Variants in ADGRF3 observed in about 807,000 individuals in gnomAD.
ADGRF3 encodes G protein-coupled receptor 113.
Under a neutral mutation model 93.2 loss-of-function variants are expected in ADGRF3, and 85 were observed. The observed-to-expected ratio is 0.91, with a 90% confidence interval of 0.77 to 1.09. The LOEUF (loss-of-function observed/expected upper bound fraction) is 1.09. Among genes scored for constraint, ADGRF3 ranks in the 50% least tolerant of loss-of-function variants. ADGRF3 has a pLI of 0.00. For missense variants in ADGRF3, 1,125 were observed against 1,246.2 expected, an observed-to-expected ratio of 0.90 and a Z score of 1.46; for synonymous variants, 534 against 532.5, an observed-to-expected ratio of 1.00 and a Z score of -0.04.
At chr2:26,332,735 G>A (rs894910218) in intron 1 of ADGRF3, among the ~76,000 whole-genome samples, 1 of 151,954 alleles carries the variant, frequency 6.6e-6, no homozygotes, top group African/African-American at 2.4e-5. Context: ...GTGACAGTCT[G>A]TCTCAAAAAA....
intron 6 of ADGRF3, 76 bp downstream of exon 6, chr2:26,314,338 C>T: frequency 1.4e-6 from 2 of 1,394,778 alleles, no homozygotes; most frequent in African/African-American, 1.4e-5. Flanking sequence ...TTCTCATGAG[C>T]TGAAGACCCA....
chr2:26,325,114 G>A (rs1675370688), intron 1 of ADGRF3, among the ~76,000 whole-genome samples: 1 of 152,218 alleles, frequency 6.6e-6, no homozygotes, highest in Non-Finnish European at 1.5e-5. Flanking sequence ...CTACCAAGCT[G>A]TGGCCAGTGG....
Position 26,310,123 on chromosome 2 carries a change from G to A in ADGRF3, c.2875-18C>T, listed in dbSNP as rs774856099. On this transcript the variant is annotated intron_variant, in intron 11 of 13. Transcript: ENST00000651242. Reference sequence around the variant, plus strand: ...TCTTGTATCTGCGGGAGAGGTAAATGCTCTGCTTATGCCAGCCACGGCCCC... The same window carrying A: ...TCTTGTATCTGCGGGAGAGGTAAATACTCTGCTTATGCCAGCCACGGCCCC... The A allele has an allele frequency of 1.9e-6, 3 of 1,613,928 alleles. No individual in the cohort carries two copies. The highest frequency in any genetic ancestry group is 4.5e-5 in the East Asian group (2 of 44,892).
chr2:26,312,808 G>T, intron 9 of ADGRF3, 135 bp downstream of exon 9: 1 of 750,272 alleles, frequency 1.3e-6, no homozygotes, highest in Non-Finnish European at 2.1e-6. Context: ...TGGATCAGGA[G>T]CAGGCCCCTG....
rs769488718 is a variant in ADGRF3, at chr2:26,319,062, C to G, written c.115-1500G>C. The stretch of plus-strand genomic sequence containing the variant: ...CCGAACAGACCATGGCTCAGTGAAG[C>G]AGTCCCTACAAGCCCACGATGCAAA... On this transcript the variant is annotated intron_variant, in intron 1 of 13. Coordinates refer to ENST00000651242, the MANE Select transcript of ADGRF3 (RefSeq NM_001321971.2). The G allele has an allele frequency of 8.3e-5, 129 of 1,545,896 alleles. No homozygotes were observed. The Middle Eastern group carries it at 2.0e-3, about 25-fold the overall frequency.
In ADGRF3 at chr2:26,346,374, C is replaced by T; in HGVS notation, c.-140G>A. 3 of 1,425,148 alleles carry T rather than the reference C, an allele frequency of 2.1e-6. No homozygotes were observed. The highest frequency in any genetic ancestry group is 2.8e-6 in the Non-Finnish European group (3 of 1,085,994). The allele number at this position is 1,425,148 out of a possible 1,614,324, so 88.3% of individuals were successfully genotyped here. On this transcript the variant is annotated 5_prime_UTR_variant, in exon 1 of 14. The change creates a new upstream start codon in the 5' untranslated region. Coordinates refer to ENST00000651242, the MANE Select transcript of ADGRF3 (RefSeq NM_001321971.2). ...GGCCCGCGCGGCGCGGTCCGTGTCA[C>T]CTTGTGCCGCGTGGCTCCGGGCGGG...
intron 1 of ADGRF3, 95 bp from the exon 2 acceptor site, chr2:26,317,657 C>A: frequency 8.9e-7 from 1 of 1,127,306 alleles, no homozygotes; most frequent in Non-Finnish European, 1.3e-6. Context: ...TCAGTCTCAA[C>A]CAGCTCTTCT....
chr2:26,326,318 T>C (rs1275057654), intron 1 of ADGRF3, among the ~76,000 whole-genome samples: 3 of 152,168 alleles, frequency 2.0e-5, no homozygotes, highest in Non-Finnish European at 4.4e-5. Flanking sequence ...CAGAAGGATA[T>C]ATTCTGGTTC....
At chr2:26,339,485 G>A (rs1391165794) in intron 1 of ADGRF3, among the ~76,000 whole-genome samples, 1 of 152,138 alleles carries the variant, frequency 6.6e-6, no homozygotes, top group Admixed American at 6.6e-5. Context: ...GACAGAGTGA[G>A]AATCTGACTC....
rs539354064 is a variant in ADGRF3 at position 26,343,629 on chromosome 2, G to C, written c.114+2492C>G. Among the ~76,000 whole-genome samples the C allele has an allele frequency of 1.3e-3, 191 of 152,236 alleles. 1 individual carries two copies. The highest frequency in any genetic ancestry group is 4.4e-3 in the African/African-American group (181 of 41,550). ...TAATTTTGTTTTTATATTTTTAGTA[G>C]AGACGGGGTTTCACCGTGTTAGCCA... is the stretch of plus-strand genomic sequence containing the variant. On this transcript the variant is annotated intron_variant, in intron 1 of 13. Coordinates refer to ENST00000651242, the MANE Select transcript of ADGRF3 (RefSeq NM_001321971.2).
chr2:26,323,472 A>G (rs886772222), intron 1 of ADGRF3, among the ~76,000 whole-genome samples: 1 of 151,820 alleles, frequency 6.6e-6, no homozygotes, highest in Non-Finnish European at 1.5e-5. Flanking sequence ...CCCTTATTTC[A>G]TTTTTATTTT....
rs79313456 is a variant in ADGRF3 at position 26,339,366 on chromosome 2, C to T, written c.114+6755G>A. 1.6e-4 allele frequency among the ~76,000 whole-genome samples: 24 copies of T among 151,768 alleles called. No individual in the cohort carries two copies. In the East Asian group the frequency reaches 3.5e-3, roughly 22 times the overall value. ...CCAAAAAATTAGCTGGGCGTGGTGG[C>T]GCATCTGTAATCCCAGCTACATGAG... On this transcript the variant is annotated intron_variant, in intron 1 of 13. Transcript: ENST00000651242.
At chr2:26,333,529 C>T (rs1284828940) in intron 1 of ADGRF3, among the ~76,000 whole-genome samples, 6 of 118,430 alleles carry the variant, frequency 5.1e-5, no homozygotes, top group East Asian at 5.2e-4. Context: ...CTCATTAGCA[C>T]GCAAAAAGAC....
chr2:26,317,200 C>A, intron 2 of ADGRF3, 145 bp from the exon 3 acceptor site: 1 of 876,646 alleles, frequency 1.1e-6, no homozygotes, highest in South Asian at 1.7e-5. Context: ...ATAGACAGGG[C>A]TCAGGAAGGG....
chr2:26,337,852 G>A (rs1301118494), intron 1 of ADGRF3, among the ~76,000 whole-genome samples: 2 of 151,942 alleles, frequency 1.3e-5, no homozygotes, highest in African/African-American at 4.8e-5. Flanking sequence ...GCGAAAACCT[G>A]TCTCTACTAA....
intron 2 of ADGRF3, 54 bp downstream of exon 2, chr2:26,317,442 C>A: frequency 2.0e-6 from 3 of 1,516,662 alleles, no homozygotes; most frequent in Non-Finnish European, 9.0e-7. Context: ...GTTTCCACCT[C>A]ATTCCCAGCT....
chr2:26,325,477 G>C (rs1675388798), intron 1 of ADGRF3, among the ~76,000 whole-genome samples: 1 of 152,178 alleles, frequency 6.6e-6, no homozygotes, highest in Non-Finnish European at 1.5e-5. Flanking sequence ...CCTAGAATGA[G>C]ATCCTGCATT....
Position 26,317,044 on chromosome 2 carries a change from C to T in ADGRF3, c.193G>A (p.Val65Ile), listed in dbSNP as rs750202048. Residue 65 changes from valine (V) to isoleucine (I), a missense_variant, in exon 3 of 14, where the codon GTC becomes ATC. By Grantham distance (29) the Val-to-Ile change is conservative (BLOSUM62 3). Coordinates refer to ENST00000651242, the MANE Select transcript of ADGRF3 (RefSeq NM_001321971.2). Reference sequence around the variant, plus strand: ...AAGTCCAGATGTACATAGACGGAGACCAGCGCTGATTCTACAGGAGCAGAG... The same window carrying T: ...AAGTCCAGATGTACATAGACGGAGATCAGCGCTGATTCTACAGGAGCAGAG... The part of the protein sequence containing the change: ...QENGAGESAL[V>I]SVYVHLDFPD... 3 of 1,610,980 alleles carry T rather than the reference C, an allele frequency of 1.9e-6. No homozygotes were observed. The highest frequency in any genetic ancestry group is 1.7e-6 in the Non-Finnish European group (2 of 1,178,888).
intron 1 of ADGRF3, among the ~76,000 whole-genome samples, chr2:26,330,257 G>C (rs758126602): frequency 6.6e-6 from 1 of 152,186 alleles, no homozygotes; most frequent in African/African-American, 2.4e-5. Context: ...GTGCAGTTCT[G>C]CTGGTGGTTT....
Sources: allele counts gnomAD v4.1 joint callset (sites outside exome capture counted in the v4.1 genomes callset), GRCh38; gene constraint gnomAD v4.1.1; transcripts MANE v1.5; gene names NCBI Gene and HGNC (gene_info 2026-07-23, HGNC 2026-07-21).